Variants in BTBD10 observed in about 807,000 individuals in gnomAD.
BTBD10 encodes the protein BTB domain containing 10.
A neutral mutation model predicts 53.2 loss-of-function variants in BTBD10; 21 were observed. That is an observed-to-expected ratio of 0.39 (90% confidence interval 0.28 to 0.57). BTBD10 has a LOEUF of 0.57. BTBD10 is among the 20% of genes least tolerant of loss of function. BTBD10 has a pLI of 0.53. For synonymous variants in BTBD10, 149 were observed against 192.7 expected (o/e 0.77, Z 1.88); for missense variants, 360 against 594.7 (o/e 0.61, Z 4.10).
rs778214996 is a variant in BTBD10 at position 13,405,897 on chromosome 11, C to T, written c.809-41G>A. On this transcript the variant is annotated intron_variant, in intron 6 of 8. Transcript: ENST00000278174. The stretch of plus-strand genomic sequence containing the variant: ...CAAAAATATCTTACCAAAACTTTTC[C>T]TAAAAAGAGTTCTTTTAGAAATATA... 3.2e-6 allele frequency: 5 copies of T among 1,585,914 alleles called. No individual in the cohort carries two copies. The African/African-American group carries it at 5.4e-5, about 17-fold the overall frequency.
chr11:13,425,571 G>A (rs1242510302), intron 2 of BTBD10, among the ~76,000 whole-genome samples: 1 of 151,918 alleles, frequency 6.6e-6, no homozygotes, highest in East Asian at 1.9e-4. Context: ...CCTCCAAAAA[G>A]CAATGTAGAG....
chr11:13,413,926 CCT>C (rs1950026236), intron 5 of BTBD10, among the ~76,000 whole-genome samples: 1 of 152,208 alleles, frequency 6.6e-6, no homozygotes. Context: ...CTCCCTGTTA[CCT>C]AATTCATGTC....
intron 8 of BTBD10, among the ~76,000 whole-genome samples, chr11:13,400,752 A>C (rs1841437973): frequency 6.6e-6 from 1 of 152,236 alleles, no homozygotes; most frequent in Non-Finnish European, 1.5e-5. Flanking sequence ...CTAAGCCTTT[A>C]ATCTAACTTA....
chr11:13,453,294 G>A (rs541650871), intron 1 of BTBD10, among the ~76,000 whole-genome samples: 1 of 151,722 alleles, frequency 6.6e-6, no homozygotes, highest in East Asian at 1.9e-4. Flanking sequence ...ACAGAAAAAA[G>A]AAAATTTAAA....
intron 2 of BTBD10, among the ~76,000 whole-genome samples, chr11:13,432,861 A>G (rs181959732): frequency 5.3e-5 from 8 of 152,238 alleles, no homozygotes; most frequent in African/African-American, 1.9e-4. Flanking sequence ...GGAGGTCAAC[A>G]TTCAATTAAT....
At chr11:13,395,022 T>C (rs1201081411) in intron 8 of BTBD10, among the ~76,000 whole-genome samples, 1 of 150,546 alleles carries the variant, frequency 6.6e-6, no homozygotes, top group Admixed American at 6.7e-5. Context: ...TGTGTCTTTA[T>C]AGCAGCATGA....
chr11:13,396,299 C>T (rs1165116894), intron 8 of BTBD10, among the ~76,000 whole-genome samples: 1 of 152,132 alleles, frequency 6.6e-6, no homozygotes, highest in East Asian at 1.9e-4. Flanking sequence ...CTCTTTGAAG[C>T]AATTGTGAAT....
intron 8 of BTBD10, among the ~76,000 whole-genome samples, chr11:13,397,282 G>A (rs982779095): frequency 3.9e-5 from 6 of 152,170 alleles, no homozygotes; most frequent in Non-Finnish European, 5.9e-5. Flanking sequence ...GAGTGTATGT[G>A]TCCAGGAATT....
intron 8 of BTBD10, among the ~76,000 whole-genome samples, chr11:13,389,474 G>A (rs1008006418): frequency 6.6e-6 from 1 of 151,816 alleles, no homozygotes; most frequent in Admixed American, 6.6e-5. Flanking sequence ...TGTCACCCAG[G>A]CTGGAGTGCC....
At chr11:13,404,302 A>C (rs1280220843) in intron 7 of BTBD10, among the ~76,000 whole-genome samples, 1 of 152,178 alleles carries the variant, frequency 6.6e-6, no homozygotes, top group Non-Finnish European at 1.5e-5. Context: ...AAAATAATAC[A>C]TATTTAGACC....
chr11:13,453,504 T>C (rs1454057241), intron 1 of BTBD10, among the ~76,000 whole-genome samples: 1 of 152,226 alleles, frequency 6.6e-6, no homozygotes, highest in East Asian at 1.9e-4. Flanking sequence ...GGAAGGTTTA[T>C]TAAAAAGTGT....
In BTBD10 at chr11:13,419,641, T is replaced by C. The variant is rs746915279; in HGVS notation, c.403A>G (p.Ser135Gly). The C allele has an allele frequency of 1.1e-5, 18 of 1,614,026 alleles. No homozygotes were observed. The highest frequency in any genetic ancestry group is 1.5e-5 in the Non-Finnish European group (18 of 1,179,988). ...SSAGNSSRNSSQSSSDGSCKT... is the reference protein window; with the variant it reads ...SSAGNSSRNSGQSSSDGSCKT... ...CAGCTACCATCTGAACTTGACTGAC[T>C]ACTGTTTCTGCTGCTGTTCCCAGCA... The change falls in exon 4 of 9, where the codon AGT (serine) becomes GGT (glycine). Residue 135 changes from serine (S) to glycine (G), a missense_variant. By Grantham distance (56) the Ser-to-Gly change is moderately conservative (BLOSUM62 0). Around this residue, in one of 6 missense-constraint regions of BTBD10, gnomAD observed 109 missense variants for 118.6 expected, o/e 0.92. Coordinates refer to ENST00000278174, the MANE Select transcript of BTBD10 (RefSeq NM_032320.7).
chr11:13,452,836 G>A (rs1227172801), intron 1 of BTBD10, among the ~76,000 whole-genome samples: 2 of 152,136 alleles, frequency 1.3e-5, no homozygotes, highest in Non-Finnish European at 2.9e-5. Flanking sequence ...CAAACTGTTA[G>A]ACAGGATACC....
At chr11:13,425,839 TCTAA>T (rs1476678718) in intron 2 of BTBD10, among the ~76,000 whole-genome samples, 3 of 152,136 alleles carry the variant, frequency 2.0e-5, no homozygotes, top group African/African-American at 7.2e-5. Flanking sequence ...ACTCAGTACC[TCTAA>T]ATATGTATAA....
chr11:13,459,058 ATTT>A (rs199960942), intron 1 of BTBD10, among the ~76,000 whole-genome samples: 6 of 135,342 alleles, frequency 4.4e-5, no homozygotes, highest in African/African-American at 1.6e-4. Flanking sequence ...TTATTTATTT[ATTT>A]TTTTTTTTTT....
At chr11:13,406,631 GTGTGTGTGTT>G (rs1949837789) in intron 6 of BTBD10, among the ~76,000 whole-genome samples, 1 of 151,678 alleles carries the variant, frequency 6.6e-6, no homozygotes, top group Admixed American at 6.6e-5. Flanking sequence ...GTGTGTGTGT[GTGTGTGTGTT>G]TGTGTGTGTG....
chr11:13,417,817 C>T (rs1950151387), intron 4 of BTBD10, among the ~76,000 whole-genome samples: 1 of 152,028 alleles, frequency 6.6e-6, no homozygotes, highest in South Asian at 2.1e-4. Context: ...GAAAGACAAG[C>T]AATCAAATGC....
intron 6 of BTBD10, 108 bp from the exon 7 acceptor site, chr11:13,405,964 C>A: frequency 1.1e-6 from 1 of 947,806 alleles, no homozygotes; most frequent in Non-Finnish European, 1.6e-6. Context: ...ACATAGGCCC[C>A]CTCATTTTAC....
At chr11:13,419,766 G>T in intron 3 of BTBD10, 21 bp from the exon 4 acceptor site, 1 of 1,504,924 alleles carries the variant, frequency 6.6e-7, no homozygotes, top group South Asian at 1.3e-5. Flanking sequence ...GATGTTAGAC[G>T]AAGTTATGCA....
Sources: gnomAD v4.1 joint callset for allele counts (sites outside exome capture counted in the v4.1 genomes callset) on GRCh38, gnomAD v4.1.1 for gene constraint, gnomAD v4.1.1 regional missense constraint, MANE v1.5 for transcripts, NCBI Gene and HGNC (gene_info 2026-07-23, HGNC 2026-07-21) for gene names.